IGSF21: variants seen among roughly 807,000 people sequenced by gnomAD.
IGSF21 encodes the protein immunoglobulin superfamily member 21.
A neutral mutation model predicts 46.8 loss-of-function variants in IGSF21; 28 were observed. The ratio of observed to expected loss-of-function variants is 0.60; its 90% confidence interval spans 0.44 to 0.82. The LOEUF (loss-of-function observed/expected upper bound fraction) is 0.82. IGSF21 is among the 40% of genes least tolerant of loss of function. The pLI, the probability that IGSF21 is intolerant of heterozygous loss-of-function variation, is 0.00. For missense variants in IGSF21, 624 were observed against 665.5 expected, an observed-to-expected ratio of 0.94 and a Z score of 0.69; for synonymous variants, 284 against 273.6, an observed-to-expected ratio of 1.04 and a Z score of -0.38.
intron 6 of IGSF21, among the ~76,000 whole-genome samples, chr1:18,368,486 A>G (rs983671797): frequency 4.8e-5 from 7 of 145,196 alleles, no homozygotes; most frequent in African/African-American, 1.7e-4. Flanking sequence ...ACTCCAGCCT[A>G]GGTGATAGAG....
chr1:18,126,412 G>A (rs2086274820), intron 1 of IGSF21, among the ~76,000 whole-genome samples: 1 of 152,156 alleles, frequency 6.6e-6, no homozygotes, highest in South Asian at 2.1e-4. Context: ...GGGAAACTGA[G>A]GATTAGAGAG....
intron 2 of IGSF21, among the ~76,000 whole-genome samples, chr1:18,283,580 G>T (rs528747624): frequency 6.6e-6 from 1 of 152,070 alleles, no homozygotes; most frequent in East Asian, 1.9e-4. Context: ...GAAGAACCCT[G>T]TGCCCCTCCC....
At chr1:18,269,796 A>G (rs2085025702) in intron 2 of IGSF21, among the ~76,000 whole-genome samples, 1 of 152,066 alleles carries the variant, frequency 6.6e-6, no homozygotes, top group African/African-American at 2.4e-5. Flanking sequence ...GGGCCCCTTG[A>G]GAAAGAGCAG....
At chr1:18,181,383 A>G (rs1316334631) in intron 1 of IGSF21, among the ~76,000 whole-genome samples, 1 of 152,228 alleles carries the variant, frequency 6.6e-6, no homozygotes, top group South Asian at 2.1e-4. Flanking sequence ...ACACTGACCC[A>G]AACGCTGTTT....
At chr1:18,201,360 C>T (rs2087072623) in intron 1 of IGSF21, among the ~76,000 whole-genome samples, 1 of 152,206 alleles carries the variant, frequency 6.6e-6, no homozygotes, top group Non-Finnish European at 1.5e-5. Context: ...GGAACTGAGA[C>T]ATGGTAGGAG....
intron 2 of IGSF21, among the ~76,000 whole-genome samples, chr1:18,280,229 T>C (rs1022561658): frequency 2.6e-5 from 4 of 152,114 alleles, no homozygotes; most frequent in African/African-American, 9.7e-5. Flanking sequence ...GACTCTGCCA[T>C]GCTCCCGCCC....
At chr1:18,233,982 A>G (rs2084651013) in intron 2 of IGSF21, among the ~76,000 whole-genome samples, 1 of 152,120 alleles carries the variant, frequency 6.6e-6, no homozygotes, top group Non-Finnish European at 1.5e-5. Flanking sequence ...TGATGATCCT[A>G]AGGAGACAGG....
At chr1:18,356,716 A>T (rs2086022369) in intron 4 of IGSF21, among the ~76,000 whole-genome samples, 1 of 152,200 alleles carries the variant, frequency 6.6e-6, no homozygotes, top group South Asian at 2.1e-4. Flanking sequence ...GGGAATGGCG[A>T]TGAGAATGGA....
At chr1:18,142,421 C>T (rs1570262676) in intron 1 of IGSF21, among the ~76,000 whole-genome samples, 1 of 152,178 alleles carries the variant, frequency 6.6e-6, no homozygotes, top group East Asian at 1.9e-4. Flanking sequence ...ATTATTGGAG[C>T]TGTGATGGTC....
intron 1 of IGSF21, among the ~76,000 whole-genome samples, chr1:18,121,229 A>C (rs2124407549): frequency 6.6e-6 from 1 of 152,240 alleles, no homozygotes; most frequent in Non-Finnish European, 1.5e-5. Flanking sequence ...GGACCACTGG[A>C]TCTTTATCCT....
intron 1 of IGSF21, chr1:18,179,227 C>T (rs1010243278): frequency 3.3e-5 from 5 of 152,178 alleles, no homozygotes; most frequent in African/African-American, 1.2e-4. Context: ...ATCCAAGCAG[C>T]TCACGGCAAC....
rs75973552 is a variant in IGSF21 at position 18,363,297 on chromosome 1, G to A, written c.540+1067G>A. Among the ~76,000 whole-genome samples the A allele has an allele frequency of 5.9e-3, 902 of 152,310 alleles. 6 individuals are homozygous for A. Among genetic ancestry groups the A allele is most frequent in the African/African-American group, 0.021 (854 of 41,550 alleles). On this transcript the variant is annotated intron_variant, in intron 5 of 9. Transcript: ENST00000251296. Reference sequence around the variant, plus strand: ...TTACAGTTCAAGACGGGAGCCAAATGGTTCCCCTCATTCCAGACCCAATTG... The same window carrying A: ...TTACAGTTCAAGACGGGAGCCAAATAGTTCCCCTCATTCCAGACCCAATTG...
At chr1:18,202,573 G>A (rs1007239729) in intron 1 of IGSF21, among the ~76,000 whole-genome samples, 2 of 151,964 alleles carry the variant, frequency 1.3e-5, no homozygotes, top group East Asian at 3.9e-4. Context: ...AGGGTGGCAG[G>A]AGAAAGAGAG....
At chr1:18,142,084 G>A (rs1049222760) in intron 1 of IGSF21, among the ~76,000 whole-genome samples, 1 of 152,046 alleles carries the variant, frequency 6.6e-6, no homozygotes, top group Non-Finnish European at 1.5e-5. Context: ...ATTTTTATAT[G>A]TATATGTATA....
chr1:18,350,524 A>G (rs1026799003), intron 4 of IGSF21, among the ~76,000 whole-genome samples: 2 of 152,220 alleles, frequency 1.3e-5, no homozygotes, highest in African/African-American at 4.8e-5. Flanking sequence ...AAGCAAACGC[A>G]GTTCAATGTT....
In IGSF21 at chr1:18,325,438, C is replaced by A. The variant is rs965633254; in HGVS notation, c.306-9454C>A. On this transcript the variant is annotated intron_variant, in intron 3 of 9. Transcript: ENST00000251296. ...AGGGAGAAGGACTGAGGCCCTGAGTCTTCGAGCGGGCTTGTCTGACCAGCA... is the reference window on the plus strand; with the variant it reads ...AGGGAGAAGGACTGAGGCCCTGAGTATTCGAGCGGGCTTGTCTGACCAGCA... 2.6e-5 allele frequency among the ~76,000 whole-genome samples: 4 copies of A among 152,098 alleles called. 1 individual carries two copies. The highest frequency in any genetic ancestry group is 5.9e-5 in the Non-Finnish European group (4 of 68,020).
chr1:18,194,580 A>G (rs114271636), intron 1 of IGSF21, among the ~76,000 whole-genome samples: 2,328 of 152,230 alleles, frequency 0.015, 60 homozygotes, highest in African/African-American at 0.053. Context: ...CACACAGCCA[A>G]CATCTTCCTG....
At chr1:18,264,249 C>T (rs910857025) in intron 2 of IGSF21, among the ~76,000 whole-genome samples, 9 of 152,250 alleles carry the variant, frequency 5.9e-5, no homozygotes, top group Admixed American at 2.6e-4. Flanking sequence ...CCGTTAAGAC[C>T]GGCAGCAAGA....
intron 3 of IGSF21, among the ~76,000 whole-genome samples, chr1:18,315,893 A>G (rs1190089175): frequency 6.6e-6 from 1 of 151,662 alleles, no homozygotes; most frequent in Non-Finnish European, 1.5e-5. Flanking sequence ...GGATGGATGG[A>G]TGGGTGGATG....
Sources: gnomAD v4.1 joint callset for allele counts (sites outside exome capture counted in the v4.1 genomes callset) on GRCh38, gnomAD v4.1.1 for gene constraint, MANE v1.5 for transcripts, NCBI Gene and HGNC (gene_info 2026-07-23, HGNC 2026-07-21) for gene names.